NLGN1: variants seen among roughly 807,000 people sequenced by gnomAD.
The protein encoded by NLGN1 is neuroligin 1.
In NLGN1, 12 loss-of-function variants were observed where a neutral mutation model predicts 65.5. That is an observed-to-expected ratio of 0.18 (90% CI 0.12 to 0.30). The LOEUF is 0.30. Among genes scored for constraint, NLGN1 ranks in the 10% least tolerant of loss-of-function variants. The pLI is 1.00. For missense variants in NLGN1, 750 were observed against 1,007.1 expected, an observed-to-expected ratio of 0.74 and a Z score of 3.46; for synonymous variants, 350 against 359.5, an observed-to-expected ratio of 0.97 and a Z score of 0.30.
chr3:173,421,735 G>A (rs1052340420), intron 1 of NLGN1, among the ~76,000 whole-genome samples: 1 of 151,784 alleles, frequency 6.6e-6, no homozygotes, highest in East Asian at 1.9e-4. Flanking sequence ...GCCTCAGGCT[G>A]GTCTTAAACT....
chr3:173,413,323 C>G (rs1032985139), intron 1 of NLGN1, among the ~76,000 whole-genome samples: 3 of 152,038 alleles, frequency 2.0e-5, no homozygotes, highest in Non-Finnish European at 4.4e-5. Flanking sequence ...ACTTCTCGGC[C>G]GGGTGCTGTG....
At chr3:174,134,865 T>G (rs971228703) in intron 4 of NLGN1, among the ~76,000 whole-genome samples, 1 of 152,178 alleles carries the variant, frequency 6.6e-6, no homozygotes, top group African/African-American at 2.4e-5. Context: ...TTCCCAGATA[T>G]CCAGCAAATT....
At chr3:173,988,948 C>T (rs921953879) in intron 4 of NLGN1, among the ~76,000 whole-genome samples, 10 of 152,232 alleles carry the variant, frequency 6.6e-5, no homozygotes, top group African/African-American at 2.4e-4. Flanking sequence ...GTTGACCAAT[C>T]CACTTTTGTT....
Position 173,965,481 on chromosome 3 carries a change from CT to C in NLGN1, c.646+157665del, listed in dbSNP as rs1298101645. Among the ~76,000 whole-genome samples, 1,322 of 134,256 alleles carry C rather than the reference CT, an allele frequency of 9.8e-3. 10 individuals carry two copies. Among genetic ancestry groups the C allele is most frequent in the African/African-American group, 0.025 (917 of 36,592 alleles). The allele number at this position is 134,256 out of a possible 152,430, so 88.1% of individuals were successfully genotyped here. A position where few individuals can be genotyped will look rare whatever the true frequency, so the allele number is the denominator to read the frequency against. ...TACAGGCGTGTGCCACCAGGCCCGG[CT>C]TTTTTTTTTTTTTTTAAGTAGAGAC... On this transcript the variant is annotated intron_variant, in intron 4 of 6. Transcript: ENST00000457714.
intron 2 of NLGN1, among the ~76,000 whole-genome samples, chr3:173,467,528 C>T (rs955240022): frequency 6.6e-6 from 1 of 152,102 alleles, no homozygotes; most frequent in Non-Finnish European, 1.5e-5. Flanking sequence ...AATACTTTCA[C>T]TAGAAATGTA....
At chr3:173,936,995 A>C (rs988705403) in intron 4 of NLGN1, among the ~76,000 whole-genome samples, 2 of 152,114 alleles carry the variant, frequency 1.3e-5, no homozygotes, top group Non-Finnish European at 2.9e-5. Context: ...ACACAGGGAT[A>C]TATGTATACA....
chr3:173,783,601 A>G (rs1318757047), intron 3 of NLGN1, among the ~76,000 whole-genome samples: 1 of 152,172 alleles, frequency 6.6e-6, no homozygotes. Context: ...ACTTGTCATA[A>G]TGTTTTTCAT....
intron 3 of NLGN1, among the ~76,000 whole-genome samples, chr3:173,650,805 C>T (rs1180948045): frequency 6.6e-6 from 1 of 152,024 alleles, no homozygotes; most frequent in Non-Finnish European, 1.5e-5. Context: ...CTATTTTGTT[C>T]ATTGGAGAAA....
chr3:173,906,907 G>A (rs966908157), intron 4 of NLGN1, among the ~76,000 whole-genome samples: 2 of 148,920 alleles, frequency 1.3e-5, no homozygotes, highest in Non-Finnish European at 3.0e-5. Context: ...AGAAAGGGAA[G>A]TCCACGTTAC....
chr3:174,164,973 G>C (rs1254160372), intron 4 of NLGN1, among the ~76,000 whole-genome samples: 1 of 151,804 alleles, frequency 6.6e-6, no homozygotes, highest in Admixed American at 6.6e-5. Context: ...GAATGTTTTT[G>C]CTTTTGTTTC....
intron 2 of NLGN1, among the ~76,000 whole-genome samples, chr3:173,441,669 A>T (rs1345444304): frequency 6.6e-6 from 1 of 152,190 alleles, no homozygotes; most frequent in Non-Finnish European, 1.5e-5. Flanking sequence ...CAATGGAAAC[A>T]TCAAAGATCA....
chr3:174,080,703 C>T (rs1741978666), intron 4 of NLGN1, among the ~76,000 whole-genome samples: 1 of 151,712 alleles, frequency 6.6e-6, no homozygotes, highest in Admixed American at 6.6e-5. Flanking sequence ...TGCTTAAACC[C>T]ACTTGCCCAG....
In NLGN1 at chr3:173,884,160, A is replaced by G. The variant is rs190135545; in HGVS notation, c.646+76328A>G. Reference sequence around the variant, plus strand: ...TTTGTTTGCAATGTCTTACTAACTTACATTGTCTTTGAAAGGAGTTCTCTG... The same window carrying G: ...TTTGTTTGCAATGTCTTACTAACTTGCATTGTCTTTGAAAGGAGTTCTCTG... On this transcript the variant is annotated intron_variant, in intron 4 of 6. Transcript: ENST00000457714. Among the ~76,000 whole-genome samples, 563 of 152,148 alleles carry G rather than the reference A, an allele frequency of 3.7e-3. 4 individuals carry two copies. The highest frequency in any genetic ancestry group is 5.8e-3 in the Non-Finnish European group (394 of 68,016).
chr3:173,917,412 A>G (rs1419453279), intron 4 of NLGN1, among the ~76,000 whole-genome samples: 1 of 152,202 alleles, frequency 6.6e-6, no homozygotes, highest in Non-Finnish European at 1.5e-5. Flanking sequence ...AAAATATTTG[A>G]TAGTGATTGG....
chr3:173,427,943 C>T (rs563398945), intron 1 of NLGN1, among the ~76,000 whole-genome samples: 1 of 149,974 alleles, frequency 6.7e-6, no homozygotes, highest in African/African-American at 2.4e-5. Flanking sequence ...TACAGTCTGT[C>T]TCTTTCTTTA....
intron 4 of NLGN1, among the ~76,000 whole-genome samples, chr3:174,138,147 T>TA (rs1184303482): frequency 6.6e-6 from 1 of 152,170 alleles, no homozygotes; most frequent in African/African-American, 2.4e-5. Context: ...TTGGGGTAAA[T>TA]AAATAGTTTA....
At chr3:174,116,324 GGTTTTCTTTTTTTTT>G (rs1276301963) in intron 4 of NLGN1, among the ~76,000 whole-genome samples, 4 of 102,842 alleles carry the variant, frequency 3.9e-5, no homozygotes, top group African/African-American at 1.5e-4. Context: ...TTTTTTTCTG[GGTTTTCTTTTTTTTT>G]TTTTTTTTTT....
chr3:174,263,530 T>G (rs1430846081), intron 4 of NLGN1, among the ~76,000 whole-genome samples: 3 of 151,526 alleles, frequency 2.0e-5, no homozygotes, highest in African/African-American at 4.9e-5. Context: ...GTTTTCCATT[T>G]GCTTGGTAGA....
chr3:174,254,929 C>G (rs1745407638), intron 4 of NLGN1, among the ~76,000 whole-genome samples: 1 of 151,966 alleles, frequency 6.6e-6, no homozygotes, highest in Admixed American at 6.6e-5. Flanking sequence ...ACTTTTTTTC[C>G]AGAATCAAAG....
Sources: allele counts gnomAD v4.1 joint callset (sites outside exome capture counted in the v4.1 genomes callset), GRCh38; gene constraint gnomAD v4.1.1; transcripts MANE v1.5; gene names NCBI Gene and HGNC (gene_info 2026-07-23, HGNC 2026-07-21).